The following SQOR variants were observed in gnomAD, a reference collection of about 807,000 sequenced individuals.
SQOR encodes sulfide:quinone oxidoreductase, mitochondrial.
In SQOR, 39 loss-of-function variants were observed where a neutral mutation model predicts 48.6. That is an observed-to-expected ratio of 0.80 (90% confidence interval 0.62 to 1.05). The LOEUF is 1.05. Among genes scored for constraint, SQOR ranks in the 50% least tolerant of loss-of-function variants. The pLI, the probability that SQOR is intolerant of heterozygous loss-of-function variation, is 0.00. For synonymous variants in SQOR, 220 were observed against 206.2 expected, an observed-to-expected ratio of 1.07 and a Z score of -0.57; for missense variants, 561 against 559.9, an observed-to-expected ratio of 1.00 and a Z score of -0.02.
At chr15:45,651,390 C>T (rs1889485313) in intron 1 of SQOR, among the ~76,000 whole-genome samples, 1 of 152,220 alleles carries the variant, frequency 6.6e-6, no homozygotes, top group Non-Finnish European at 1.5e-5. Context: ...GCCTCTCCCT[C>T]CACACCTCCC....
At chr15:45,651,897 C>CT (rs1889499529) in intron 1 of SQOR, among the ~76,000 whole-genome samples, 1 of 151,538 alleles carries the variant, frequency 6.6e-6, no homozygotes, top group Non-Finnish European at 1.5e-5. Flanking sequence ...CTTCTTCTTT[C>CT]TTTTTTTTAA....
chr15:45,680,698 G>A (rs1890111889), intron 6 of SQOR, among the ~76,000 whole-genome samples: 1 of 152,174 alleles, frequency 6.6e-6, no homozygotes, highest in Non-Finnish European at 1.5e-5. Context: ...TTACAGGCAT[G>A]AGCCACTGCA....
chr15:45,644,247 C>G (rs1423442840), intron 1 of SQOR, among the ~76,000 whole-genome samples: 3 of 152,114 alleles, frequency 2.0e-5, no homozygotes, highest in Non-Finnish European at 4.4e-5. Flanking sequence ...GCCATCATGC[C>G]TGGCTAATTT....
At chr15:45,655,122 G>A (rs943024320) in intron 1 of SQOR, among the ~76,000 whole-genome samples, 5 of 152,164 alleles carry the variant, frequency 3.3e-5, no homozygotes, top group African/African-American at 4.8e-5. Flanking sequence ...AAACCTTACC[G>A]AGGACTTCCA....
chr15:45,670,760 G>C (rs1305082922), intron 4 of SQOR, among the ~76,000 whole-genome samples: 1 of 152,176 alleles, frequency 6.6e-6, no homozygotes, highest in Non-Finnish European at 1.5e-5. Context: ...GGGAAGGGTA[G>C]TGAAAATGTC....
intron 4 of SQOR, among the ~76,000 whole-genome samples, chr15:45,671,933 C>T (rs1452452872): frequency 6.6e-6 from 1 of 152,198 alleles, no homozygotes; most frequent in African/African-American, 2.4e-5. Flanking sequence ...CCCTCTCTCC[C>T]CTCCTCTCTA....
At chr15:45,639,557 C>T (rs1895069600) in intron 1 of SQOR, among the ~76,000 whole-genome samples, 1 of 152,224 alleles carries the variant, frequency 6.6e-6, no homozygotes, top group African/African-American at 2.4e-5. Context: ...CAATTCCTGA[C>T]TTCTGGGAGG....
At chr15:45,647,696 T>A (rs1193942834) in intron 1 of SQOR, among the ~76,000 whole-genome samples, 5 of 152,040 alleles carry the variant, frequency 3.3e-5, no homozygotes, top group Admixed American at 3.3e-4. Flanking sequence ...CGGGTGGATC[T>A]CTTGAGGCCA....
intron 5 of SQOR, among the ~76,000 whole-genome samples, chr15:45,675,345 A>G (rs78647717): frequency 0.016 from 2,386 of 152,134 alleles, 62 homozygotes; most frequent in African/African-American, 0.055. Flanking sequence ...TCTCTGAACA[A>G]TATCAAGAAG....
intron 6 of SQOR, among the ~76,000 whole-genome samples, chr15:45,677,769 C>G (rs1479117115): frequency 1.3e-5 from 2 of 152,232 alleles, no homozygotes; most frequent in Admixed American, 1.3e-4. Flanking sequence ...GGTGCAATCT[C>G]AGCTCACTGC....
At position 45,678,829 on chromosome 15, in the gene SQOR, T is replaced by A. The variant is rs192059500; in HGVS notation, c.864+2519T>A. 2.6e-5 allele frequency among the ~76,000 whole-genome samples: 4 copies of A among 152,318 alleles called. No homozygotes were observed. The East Asian group carries it at 5.8e-4, about 22-fold the overall frequency. On this transcript the variant is annotated intron_variant, in intron 6 of 9. Coordinates refer to ENST00000260324, the MANE Select transcript of SQOR (RefSeq NM_021199.4). ...GAGGTCCCTCCAGCTTTAGCTTTTT[T>A]AAATTGCTGCTCCTCAAATGGCCTC...
Position 45,661,985 on chromosome 15 carries a change from G to A in SQOR, c.265G>A (p.Val89Met), listed in dbSNP as rs1555401253. The part of the protein sequence containing the change: ...RHFYQPIWTL[V>M]GAGAKQLSSS... ...TTTCTACCAGCCAATCTGGACACTG[G>A]TGGGTGCTGGTGCCAAACAATTGTC... is the stretch of plus-strand genomic sequence containing the variant. Residue 89 changes from valine to methionine, a missense_variant, in exon 3 of 10, where the codon GTG becomes ATG. Val to Met is a conservative substitution (Grantham distance 21). Coordinates refer to ENST00000260324, the MANE Select transcript of SQOR (RefSeq NM_021199.4). 3.1e-6 allele frequency: 5 copies of A among 1,614,186 alleles called. No individual in the cohort carries two copies. The highest frequency in any genetic ancestry group is 4.2e-6 in the Non-Finnish European group (5 of 1,180,000).
chr15:45,665,807 C>T (rs761979238), intron 3 of SQOR, among the ~76,000 whole-genome samples: 2 of 152,208 alleles, frequency 1.3e-5, no homozygotes, highest in African/African-American at 2.4e-5. Flanking sequence ...TGGTCTCAAA[C>T]TCCTGACGTC....
intron 1 of SQOR, among the ~76,000 whole-genome samples, chr15:45,645,641 T>C (rs1189190346): frequency 6.6e-6 from 1 of 152,244 alleles, no homozygotes; most frequent in Non-Finnish European, 1.5e-5. Context: ...GAGAGTCAAC[T>C]GAAACATGGC....
At chr15:45,649,127 A>G (rs2140941370) in intron 1 of SQOR, among the ~76,000 whole-genome samples, 1 of 152,386 alleles carries the variant, frequency 6.6e-6, no homozygotes, top group South Asian at 2.1e-4. Context: ...ACATAAGATT[A>G]GGAAGCTTTT....
At chr15:45,687,832 C>T (rs537993008) in intron 7 of SQOR, among the ~76,000 whole-genome samples, 1 of 152,238 alleles carries the variant, frequency 6.6e-6, no homozygotes, top group East Asian at 1.9e-4. Flanking sequence ...ATCTATAGAT[C>T]TATATCTATA....
intron 3 of SQOR, among the ~76,000 whole-genome samples, chr15:45,666,186 T>G (rs1351726717): frequency 6.6e-6 from 1 of 152,246 alleles, no homozygotes; most frequent in Non-Finnish European, 1.5e-5. Context: ...AGCTAACTGC[T>G]ACTCATCTTT....
At chr15:45,652,903 G>C (rs573406599) in intron 1 of SQOR, among the ~76,000 whole-genome samples, 1 of 151,592 alleles carries the variant, frequency 6.6e-6, no homozygotes, top group South Asian at 2.1e-4. Context: ...AACCTGGGAG[G>C]TGGAGGTTGC....
intron 1 of SQOR, among the ~76,000 whole-genome samples, chr15:45,650,342 G>A (rs907204641): frequency 4.6e-5 from 7 of 152,158 alleles, no homozygotes; most frequent in South Asian, 2.1e-4. Context: ...TCTTAAAGGC[G>A]GCGTGTCCGG....
Sources: allele counts gnomAD v4.1 joint callset (sites outside exome capture counted in the v4.1 genomes callset), GRCh38; gene constraint gnomAD v4.1.1; transcripts MANE v1.5; gene names NCBI Gene and HGNC (gene_info 2026-07-23, HGNC 2026-07-21).